The following PLA2G4A variants were observed in gnomAD, a reference collection of about 807,000 sequenced individuals.
The protein encoded by PLA2G4A is cytosolic phospholipase A2.
A neutral mutation model predicts 81.9 loss-of-function variants in PLA2G4A; 40 were observed. The ratio of observed to expected loss-of-function variants is 0.49; its 90% CI spans 0.38 to 0.64. The LOEUF is 0.64. Ranked by LOEUF, PLA2G4A falls within the 30% of genes least tolerant of loss-of-function variation. PLA2G4A has a pLI of 0.00. For synonymous variants in PLA2G4A, 302 were observed against 296.9 expected (o/e 1.02, Z -0.18); for missense variants, 715 against 905.1 (o/e 0.79, Z 2.69).
Position 186,957,594 on chromosome 1 carries a change from C to T in PLA2G4A, c.1579+1250C>T, listed in dbSNP as rs184076805. Among the ~76,000 whole-genome samples, 45 of 152,316 alleles carry T rather than the reference C, an allele frequency of 3.0e-4. No individual in the cohort carries two copies. The East Asian group carries it at 8.5e-3, about 29-fold the overall frequency. On this transcript the variant is annotated intron_variant, in intron 14 of 17. Transcript: ENST00000367466. Reference sequence around the variant, plus strand: ...ACATTCTTAGCCTGACTCCCTAGTGCAACATAGGGCTTGAGTAAGCCAGCC... The same window carrying T: ...ACATTCTTAGCCTGACTCCCTAGTGTAACATAGGGCTTGAGTAAGCCAGCC...
At chr1:186,909,018 G>A (rs4650706) in intron 6 of PLA2G4A, among the ~76,000 whole-genome samples, 76,675 of 136,882 alleles carry the variant, frequency 0.56, 22,536 homozygotes, top group African/African-American at 0.76. Context: ...CTGTCACCCA[G>A]GCTGGAGTGC....
intron 2 of PLA2G4A, among the ~76,000 whole-genome samples, chr1:186,868,465 G>A (rs540263870): frequency 3.0e-4 from 45 of 152,260 alleles, no homozygotes; most frequent in Admixed American, 2.0e-3. Context: ...GAGAAATATT[G>A]GCTTGTAGTT....
At chr1:186,897,866 T>C (rs1654391961) in intron 5 of PLA2G4A, among the ~76,000 whole-genome samples, 1 of 152,180 alleles carries the variant, frequency 6.6e-6, no homozygotes, top group African/African-American at 2.4e-5. Flanking sequence ...TATATGGGTA[T>C]GTTGCATGAT....
At chr1:186,857,070 A>ATGG (rs1558367389) in intron 2 of PLA2G4A, among the ~76,000 whole-genome samples, 2 of 20,060 alleles carry the variant, frequency 1.0e-4, no homozygotes, top group Admixed American at 1.0e-3. Flanking sequence ...TGCAGCCCCC[A>ATGG]CATATATTAT....
chr1:186,893,317 T>C (rs867744218), intron 4 of PLA2G4A, among the ~76,000 whole-genome samples, 158 bp downstream of exon 4: 9 of 152,166 alleles, frequency 5.9e-5, no homozygotes, highest in African/African-American at 2.2e-4. Context: ...TGTCAAGTAA[T>C]ATGAGTGTCT....
At chr1:186,834,839 C>T (rs956519658) in intron 1 of PLA2G4A, among the ~76,000 whole-genome samples, 2 of 152,080 alleles carry the variant, frequency 1.3e-5, no homozygotes, top group African/African-American at 4.8e-5. Flanking sequence ...ACCTATGGCT[C>T]TTTCTGGCTC....
chr1:186,965,586 C>G lies in PLA2G4A; in HGVS notation c.1757C>G (p.Pro586Arg). The change falls in exon 15 of 18, where the codon CCG becomes CGG. Residue 586 changes from proline to arginine, a missense_variant. Transcript: ENST00000367466. ...GCAAGGCCAAGTGACTCTAGTCCTC[C>G]GTTCAAGGTAAGGATACATAATACA... ...FSARPSDSSP[P>R]FKELLLAEKW... 1 of 1,607,388 alleles carries G rather than the reference C, an allele frequency of 6.2e-7. No homozygotes were observed. Among genetic ancestry groups the G allele is most frequent in the Middle Eastern group, 1.7e-4 (1 of 6,050 alleles).
At chr1:186,832,771 A>C (rs1651640763) in intron 1 of PLA2G4A, among the ~76,000 whole-genome samples, 1 of 152,200 alleles carries the variant, frequency 6.6e-6, no homozygotes, top group Non-Finnish European at 1.5e-5. Context: ...TAACTTACAT[A>C]ATCATAGCAC....
intron 1 of PLA2G4A, among the ~76,000 whole-genome samples, chr1:186,829,581 A>G (rs1277374253): frequency 6.6e-6 from 1 of 152,122 alleles, no homozygotes; most frequent in South Asian, 2.1e-4. Flanking sequence ...CTGTAAACGG[A>G]CTGGTGTTCT....
At chr1:186,951,447 A>G (rs1188631027) in intron 13 of PLA2G4A, among the ~76,000 whole-genome samples, 6 of 13,418 alleles carry the variant, frequency 4.5e-4, no homozygotes, top group Non-Finnish European at 3.5e-4. Context: ...AAATGTTCCC[A>G]ATAGTTAAAA....
chr1:186,963,105 T>C (rs1341296238), intron 14 of PLA2G4A, among the ~76,000 whole-genome samples: 1 of 152,166 alleles, frequency 6.6e-6, no homozygotes, highest in Non-Finnish European at 1.5e-5. Context: ...ATCTTATATA[T>C]GAAATTTCTG....
chr1:186,870,788 G>T (rs552711842), intron 3 of PLA2G4A: 1 of 1,316,498 alleles, frequency 7.6e-7, no homozygotes, highest in Admixed American at 2.0e-5. Context: ...GTATAATTAT[G>T]GTTCAGCCTT....
chr1:186,968,574 A>G (rs1657221048), intron 15 of PLA2G4A, among the ~76,000 whole-genome samples: 1 of 151,672 alleles, frequency 6.6e-6, no homozygotes, highest in Non-Finnish European at 1.5e-5. Context: ...AAAGATATAT[A>G]AGATGTTTAT....
intron 3 of PLA2G4A, among the ~76,000 whole-genome samples, chr1:186,871,868 T>C (rs757790828): frequency 6.6e-6 from 1 of 152,170 alleles, no homozygotes; most frequent in Non-Finnish European, 1.5e-5. Context: ...TTTTTCTTTT[T>C]TTTCAAAGAA....
At chr1:186,979,767 A>C (rs564786681) in intron 17 of PLA2G4A, among the ~76,000 whole-genome samples, 2 of 152,278 alleles carry the variant, frequency 1.3e-5, no homozygotes, top group African/African-American at 4.8e-5. Flanking sequence ...TAAGTAAGGA[A>C]GAAAAGTGAT....
chr1:186,974,573 G>A (rs1266666001), intron 15 of PLA2G4A, among the ~76,000 whole-genome samples: 1 of 152,188 alleles, frequency 6.6e-6, no homozygotes, highest in East Asian at 1.9e-4. Flanking sequence ...CCCACAGAAA[G>A]TCAGTTTAGT....
chr1:186,908,972 T>TC (rs1424111929), intron 6 of PLA2G4A, among the ~76,000 whole-genome samples: 2 of 130,472 alleles, frequency 1.5e-5, no homozygotes, highest in East Asian at 2.4e-4. Flanking sequence ...TCTTTTCTTT[T>TC]TTTTTTTTTT....
intron 7 of PLA2G4A, among the ~76,000 whole-genome samples, chr1:186,920,135 G>A (rs1016940509): frequency 1.8e-4 from 27 of 152,190 alleles, no homozygotes; most frequent in African/African-American, 5.5e-4. Flanking sequence ...GGCCTGGCTC[G>A]GTTAGAAAAA....
chr1:186,906,038 G>C (rs1362559551), intron 5 of PLA2G4A, among the ~76,000 whole-genome samples: 1 of 152,082 alleles, frequency 6.6e-6, no homozygotes, highest in Non-Finnish European at 1.5e-5. Context: ...CATTTCAAGA[G>C]GTATATCCTA....
Sources: allele counts gnomAD v4.1 joint callset (sites outside exome capture counted in the v4.1 genomes callset), GRCh38; gene constraint gnomAD v4.1.1; transcripts MANE v1.5; gene names NCBI Gene and HGNC (gene_info 2026-07-23, HGNC 2026-07-21).